The following SUN2 variants were observed in gnomAD, a reference collection of about 807,000 sequenced individuals.
SUN2 encodes the protein SUN domain-containing protein 2.
A neutral mutation model predicts 100.0 loss-of-function variants in SUN2; 60 were observed. That is an observed-to-expected ratio of 0.60 (90% CI 0.49 to 0.74). SUN2 has a LOEUF of 0.74. SUN2 is among the 30% of genes least tolerant of loss of function. The probability of loss-of-function intolerance (pLI) is 0.00; values close to 1 mark genes in which losing one functional copy is unlikely to be tolerated. For missense variants in SUN2, 834 were observed against 954.6 expected, an observed-to-expected ratio of 0.87 and a Z score of 1.66; for synonymous variants, 367 against 403.3, an observed-to-expected ratio of 0.91 and a Z score of 1.08.
At chr22:38,736,926 C>T (rs1397303193) in intron 17 of SUN2, 1 of 152,446 alleles carries the variant, frequency 6.6e-6, no homozygotes, top group Non-Finnish European at 1.5e-5. Flanking sequence ...AGTTCACTGC[C>T]TCAACCTTCT....
At chr22:38,748,927 G>T in intron 6 of SUN2, 144 bp from the exon 7 acceptor site, 2 of 773,460 alleles carry the variant, frequency 2.6e-6, no homozygotes, top group Non-Finnish European at 4.4e-6. Flanking sequence ...TTCTCACTGT[G>T]CCAGGGCCAG....
At position 38,751,230 on chromosome 22, in the gene SUN2, A is replaced by C. The variant is rs35496634; in HGVS notation, c.266T>G (p.Leu89Arg). 0.095 allele frequency: 153,866 copies of C among 1,613,000 alleles called. 8,460 individuals are homozygous for C. Among genetic ancestry groups the C allele is most frequent in the Non-Finnish European group, 0.11 (130,400 of 1,179,126 alleles). The change falls in exon 3 of 18, where the codon CTG becomes CGG. Residue 89 changes from leucine to arginine, a missense_variant. By Grantham distance (102) the Leu-to-Arg change is moderately radical (BLOSUM62 -2). Around this residue, in one of 3 missense-constraint regions of SUN2, gnomAD observed 559 missense variants for 597.7 expected, o/e 0.94. Transcript: ENST00000689035. ...WFPPRSSLEE[L>R]HGDANWGEDL... is the part of the protein sequence containing the mutation. ...CTCACCCCAGTTGGCGTCACCATGC[A>C]GTTCCTCCAGGGAGCTCCTGGGTGG...
chr22:38,751,226 A>G lies in SUN2; in HGVS notation c.270T>C (p.His90=), dbSNP rs747263437. 16 of 1,612,998 alleles carry G rather than the reference A, an allele frequency of 9.9e-6. No individual in the cohort carries two copies. Among genetic ancestry groups the G allele is most frequent in the South Asian group, 5.5e-5 (5 of 91,070 alleles). Reference sequence around the variant, plus strand: ...CACACTCACCCCAGTTGGCGTCACCATGCAGTTCCTCCAGGGAGCTCCTGG... The same window carrying G: ...CACACTCACCCCAGTTGGCGTCACCGTGCAGTTCCTCCAGGGAGCTCCTGG... ...FPPRSSLEEL[H]GDANWGEDLR... Residue 90 remains histidine (H), a synonymous_variant, in exon 3 of 18, where the codon CAT becomes CAC. Transcript: ENST00000689035.
rs998813263 is a variant in SUN2, at chr22:38,755,823, C to A, written c.-98G>T. 2.0e-6 allele frequency: 2 copies of A among 983,454 alleles called. No homozygotes were observed. Among genetic ancestry groups the A allele is most frequent in the South Asian group, 4.7e-5 (1 of 21,286 alleles). The allele number at this position is 983,454 out of a possible 1,614,324, so 60.9% of individuals were successfully genotyped here. On this transcript the variant is annotated 5_prime_UTR_variant, in exon 1 of 18. Transcript: ENST00000689035. This position sits in a 1 kb window ranked among gnomAD's most constrained non-coding sequence, Gnocchi z 5.7. ...GTCCGAGGCCAGGCCGCCGCCGGGGCGCGCCCCCTTTCCGCGTGGGGATCC... is the reference window on the plus strand; with the variant it reads ...GTCCGAGGCCAGGCCGCCGCCGGGGAGCGCCCCCTTTCCGCGTGGGGATCC...
chr22:38,754,501 C>T (rs1295347425), intron 1 of SUN2: 3 of 638,794 alleles, frequency 4.7e-6, no homozygotes, highest in Non-Finnish European at 4.8e-6. Flanking sequence ...TCTGGCATCC[C>T]CTCTACTTTT....
At position 38,735,113 on chromosome 22, in the gene SUN2, A is replaced by G; in HGVS notation, c.*1154T>C. 1 of 366,238 alleles carries G rather than the reference A, an allele frequency of 2.7e-6. No individual in the cohort carries two copies. The highest frequency in any genetic ancestry group is 2.0e-5 in the South Asian group (1 of 49,640). 22.7% of individuals were successfully genotyped at this position (366,238 alleles called of 1,614,324 possible). On this transcript the variant is annotated 3_prime_UTR_variant, in exon 18 of 18. Transcript: ENST00000689035. ...TAGAAAAACAGACCTTGAAAAATAT[A>G]TACATAATACAGTGGGGCCTGCTGG... is the stretch of plus-strand genomic sequence containing the variant.
chr22:38,745,728 GCCT>G lies in SUN2; in HGVS notation c.766_768del (p.Arg256del). The G allele has an allele frequency of 6.2e-7, 1 of 1,613,986 alleles. No homozygotes were observed. The highest frequency in any genetic ancestry group is 8.5e-7 in the Non-Finnish European group (1 of 1,180,010). ...TCTCTGGCTTCCCAGCCCTCATCCG[GCCT>G]CCTGCTGTCCTTCGCTGCCCACCAG... On this transcript the variant is annotated inframe_deletion, in exon 8 of 18. Coordinates refer to ENST00000689035, the MANE Select transcript of SUN2 (RefSeq NM_015374.3).
Position 38,748,848 on chromosome 22 carries a change from T to G in SUN2, c.615-65A>C. 2.0e-6 allele frequency: 3 copies of G among 1,522,006 alleles called. No homozygotes were observed. In the East Asian group the frequency reaches 6.8e-5, roughly 34 times the overall value. The allele number at this position is 1,522,006 out of a possible 1,614,324, so 94.3% of individuals were successfully genotyped here. A position where few individuals can be genotyped will look rare whatever the true frequency, so the allele number is the denominator to read the frequency against. ...GTGAGGGGAGCTCCAGGCCTCCACG[T>G]TCCACCCAGGGAGTACCCTGAGATG... On this transcript the variant is annotated intron_variant, in intron 6 of 17. Coordinates refer to ENST00000689035, the MANE Select transcript of SUN2 (RefSeq NM_015374.3).
At position 38,738,639 on chromosome 22, in the gene SUN2, G is replaced by A. The variant is rs776326441; in HGVS notation, c.1895C>T (p.Ala632Val). 15 of 1,614,048 alleles carry A rather than the reference G, an allele frequency of 9.3e-6. No homozygotes were observed. Among genetic ancestry groups the A allele is most frequent in the Non-Finnish European group, 1.2e-5 (14 of 1,180,026 alleles). Residue 632 changes from alanine (A) to valine (V), a missense_variant, in exon 16 of 18, where the codon GCC becomes GTC. This residue lies in a region of SUN2 where 195 missense variants were observed against 280.2 expected (regional missense o/e 0.70). Coordinates refer to ENST00000689035, the MANE Select transcript of SUN2 (RefSeq NM_015374.3). This position sits in a 1 kb window ranked among gnomAD's most constrained non-coding sequence, Gnocchi z 6.6. ...GGAGATAGTGCTGTTGGGTGACAAG[G>A]CCTTGGGCACATGCTCTAAGGTAAC... is the stretch of plus-strand genomic sequence containing the variant. ...TAVTLEHVPK[A>V]LSPNSTISSA...
intron 7 of SUN2, among the ~76,000 whole-genome samples, chr22:38,748,424 G>GATGTCC (rs1434412101): frequency 1.3e-5 from 2 of 152,238 alleles, no homozygotes; most frequent in African/African-American, 4.8e-5. Context: ...CCTCATAGCA[G>GATGTCC]ATGTCCCTGT....
At chr22:38,748,033 T>C (rs1288981689) in intron 7 of SUN2, among the ~76,000 whole-genome samples, 2 of 149,210 alleles carry the variant, frequency 1.3e-5, no homozygotes, top group African/African-American at 2.5e-5. Flanking sequence ...GAGGCACTTA[T>C]GGCCGGGCAC....
chr22:38,741,441 T>A, intron 10 of SUN2, 53 bp downstream of exon 10: 5 of 1,568,352 alleles, frequency 3.2e-6, no homozygotes, highest in African/African-American at 1.3e-5. Flanking sequence ...GGTGAACATG[T>A]TGGATGGGGT....
chr22:38,750,726 GCACCAGGGGCCAC>G (rs1288507824), intron 4 of SUN2, among the ~76,000 whole-genome samples, 159 bp downstream of exon 4: 1 of 152,226 alleles, frequency 6.6e-6, no homozygotes, highest in East Asian at 1.9e-4. Context: ...ACAGCCCAGG[GCACCAGGGGCCAC>G]CGCAGGCCAG....
chr22:38,739,011 G>A lies in SUN2; in HGVS notation c.1664-23C>T, dbSNP rs1012944188. 4 of 1,594,484 alleles carry A rather than the reference G, an allele frequency of 2.5e-6. No homozygotes were observed. In the African/African-American group the frequency reaches 5.4e-5, roughly 21 times the overall value. The stretch of plus-strand genomic sequence containing the variant: ...CCCCTGAGACAGGAGAGGAAGGCAG[G>A]GTGGGCTCCCGCACGGGAGGAGGGC... On this transcript the variant is annotated intron_variant, in intron 14 of 17. Coordinates refer to ENST00000689035, the MANE Select transcript of SUN2 (RefSeq NM_015374.3). This position sits in a 1 kb window ranked among gnomAD's most constrained non-coding sequence, Gnocchi z 6.7.
chr22:38,754,227 C>T (rs1372498312), intron 1 of SUN2, among the ~76,000 whole-genome samples: 1 of 152,174 alleles, frequency 6.6e-6, no homozygotes, highest in East Asian at 1.9e-4. Flanking sequence ...TGGGGAGTCT[C>T]AACGTTAGTG....
rs2092942536 is a variant in SUN2 at position 38,751,153 on chromosome 22, A to T, written c.286+57T>A. Reference sequence around the variant, plus strand: ...GGGGACTGCAGGGGACACTGTGAGGAGTATCTCGCGGGAGGCCGAGGAAGC... The same window carrying T: ...GGGGACTGCAGGGGACACTGTGAGGTGTATCTCGCGGGAGGCCGAGGAAGC... On this transcript the variant is annotated intron_variant, in intron 3 of 17. Coordinates refer to ENST00000689035, the MANE Select transcript of SUN2 (RefSeq NM_015374.3). 2.5e-6 allele frequency: 4 copies of T among 1,605,104 alleles called. No homozygotes were observed. The Admixed American group carries it at 6.7e-5, about 27-fold the overall frequency.
chr22:38,750,155 A>G (rs577099539), intron 5 of SUN2, 70 bp downstream of exon 5: 4 of 1,563,994 alleles, frequency 2.6e-6, no homozygotes, highest in Middle Eastern at 1.7e-4. Context: ...AGGATGCCCA[A>G]CTGCAGAGAG....
At position 38,744,138 on chromosome 22, in the gene SUN2, G is replaced by A. The variant is rs1274047985; in HGVS notation, c.813+1546C>T. Among the ~76,000 whole-genome samples, 159 of 152,042 alleles carry A rather than the reference G, an allele frequency of 1.0e-3. 1 individual carries two copies. The highest frequency in any genetic ancestry group is 2.4e-5 in the African/African-American group (1 of 41,394). ...GCCTGTAGTCCCAGCTACTCGGGAC[G>A]CTGAGGCGGGAGAATCGCTTGAACC... On this transcript the variant is annotated intron_variant, in intron 8 of 17. Transcript: ENST00000689035.
In SUN2 at chr22:38,751,256, G is replaced by C; in HGVS notation, c.240C>G (p.Phe80Leu). 1 of 1,614,056 alleles carries C rather than the reference G, an allele frequency of 6.2e-7. No homozygotes were observed. The highest frequency in any genetic ancestry group is 1.7e-5 in the Admixed American group (1 of 60,016). ...YSESLVHESWFPPRSSLEELH... is the reference protein window; with the variant it reads ...YSESLVHESWLPPRSSLEELH... ...GTTCCTCCAGGGAGCTCCTGGGTGGGAACCAGGACTCGTGGACCAGCGACT... is the reference window on the plus strand; with the variant it reads ...GTTCCTCCAGGGAGCTCCTGGGTGGCAACCAGGACTCGTGGACCAGCGACT... Residue 80 changes from phenylalanine (F) to leucine (L), a missense_variant, in exon 3 of 18, where the codon TTC (phenylalanine) becomes TTG (leucine). By Grantham distance (22) the Phe-to-Leu change is conservative (BLOSUM62 0). Transcript: ENST00000689035.
Sources: gnomAD v4.1 joint callset for allele counts (sites outside exome capture counted in the v4.1 genomes callset) on GRCh38, gnomAD v4.1.1 for gene constraint, gnomAD v4.1.1 regional missense constraint, Gnocchi (gnomAD v3.1) non-coding constraint, MANE v1.5 for transcripts, NCBI Gene and HGNC (gene_info 2026-07-23, HGNC 2026-07-21) for gene names.